The following CFL2 variants were observed in gnomAD, a reference collection of about 807,000 sequenced individuals.
CFL2 encodes the protein cofilin 2.
Under a neutral mutation model 19.6 loss-of-function variants are expected in CFL2, and 10 were observed. That is an observed-to-expected ratio of 0.51 (90% CI 0.31 to 0.86). The LOEUF (loss-of-function observed/expected upper bound fraction) is 0.86, where lower values mean the gene tolerates loss of function less well. Ranked by LOEUF, CFL2 falls within the 40% of genes least tolerant of loss-of-function variation. CFL2 has a pLI of 0.04. For missense variants in CFL2, 125 were observed against 192.1 expected, an observed-to-expected ratio of 0.65 and a Z score of 2.06; for synonymous variants, 63 against 66.7, an observed-to-expected ratio of 0.95 and a Z score of 0.27.
chr14:34,712,672 A>G lies in CFL2; in HGVS notation c.*193T>C. 1.5e-6 allele frequency: 1 copy of G among 684,198 alleles called. No homozygotes were observed. Among genetic ancestry groups the G allele is most frequent in the African/African-American group, 1.8e-5 (1 of 56,930 alleles). The allele number at this position is 684,198 out of a possible 1,614,324, so 42.4% of individuals were successfully genotyped here. A position where few individuals can be genotyped will look rare whatever the true frequency, so the allele number is the denominator to read the frequency against. ...CATTCCTTGGGTTCTATATAAAAGT[A>G]ACAGTATTCAACAGTCTAATGGCAA... On this transcript the variant is annotated 3_prime_UTR_variant, in exon 4 of 4. Transcript: ENST00000298159.
intron 1 of CFL2, chr14:34,713,907 T>A: frequency 8.2e-7 from 1 of 1,223,768 alleles, no homozygotes; most frequent in Non-Finnish European, 1.1e-6. Context: ...CGGCTGGCCT[T>A]AAAAAAACAC....
Position 34,712,750 on chromosome 14 carries a change from A to C in CFL2, c.*115T>G. 4.1e-6 allele frequency: 3 copies of C among 735,412 alleles called. No individual in the cohort carries two copies. The highest frequency in any genetic ancestry group is 2.6e-5 in the East Asian group (1 of 38,314). 45.6% of individuals were successfully genotyped at this position (735,412 alleles called of 1,614,324 possible). ...TATTTCCTTCATTCATTGTGTTGGAAGGGCCCAGTGGAAAGGGGGAAATAC... is the reference window on the plus strand; with the variant it reads ...TATTTCCTTCATTCATTGTGTTGGACGGGCCCAGTGGAAAGGGGGAAATAC... On this transcript the variant is annotated 3_prime_UTR_variant, in exon 4 of 4. Coordinates refer to ENST00000298159, the MANE Select transcript of CFL2 (RefSeq NM_138638.5).
At position 34,712,148 on chromosome 14, in the gene CFL2, T is replaced by C. The variant is rs1306704400; in HGVS notation, c.*717A>G. ...CTGATATTCAAAATATCTTTAGTGT[T>C]GCAGGACTCACATGGTAAACATAAA... is the stretch of plus-strand genomic sequence containing the variant. On this transcript the variant is annotated 3_prime_UTR_variant, in exon 4 of 4. Transcript: ENST00000298159. 2 of 454,546 alleles carry C rather than the reference T, an allele frequency of 4.4e-6. No homozygotes were observed. The highest frequency in any genetic ancestry group is 4.7e-5 in the Admixed American group (2 of 42,562). The allele number at this position is 454,546 out of a possible 1,614,324, so 28.2% of individuals were successfully genotyped here.
At position 34,712,379 on chromosome 14, in the gene CFL2, A is replaced by C. The variant is rs1167929389; in HGVS notation, c.*486T>G. The C allele has an allele frequency of 2.2e-6, 1 of 454,750 alleles. No homozygotes were observed. The highest frequency in any genetic ancestry group is 6.9e-5 in the East Asian group (1 of 14,404). 28.2% of individuals were successfully genotyped at this position (454,750 alleles called of 1,614,324 possible). ...AAGTGCTTTTAATGCATAGTGTTATATCCGTGCTGCCATATCACTAAAATA... is the reference window on the plus strand; with the variant it reads ...AAGTGCTTTTAATGCATAGTGTTATCTCCGTGCTGCCATATCACTAAAATA... On this transcript the variant is annotated 3_prime_UTR_variant, in exon 4 of 4. Coordinates refer to ENST00000298159, the MANE Select transcript of CFL2 (RefSeq NM_138638.5).
rs1397650259 is a variant in CFL2, at chr14:34,712,612, T to A, written c.*253A>T. On this transcript the variant is annotated 3_prime_UTR_variant, in exon 4 of 4. Coordinates refer to ENST00000298159, the MANE Select transcript of CFL2 (RefSeq NM_138638.5). ...TAGTGCTTGCTGCAAGGGAGGCATA[T>A]AACCAGTTGTTTTGGCTAAAATATG... 1 of 616,330 alleles carries A rather than the reference T, an allele frequency of 1.6e-6. No homozygotes were observed. The highest frequency in any genetic ancestry group is 3.5e-5 in the East Asian group (1 of 28,914). 38.2% of individuals were successfully genotyped at this position (616,330 alleles called of 1,614,324 possible).
At chr14:34,714,437 T>G in intron 1 of CFL2, 101 bp downstream of exon 1, 1 of 1,468,002 alleles carries the variant, frequency 6.8e-7, no homozygotes, top group South Asian at 1.3e-5. Context: ...GCGCCCACCT[T>G]GGAGGCCAAA....
At position 34,713,077 on chromosome 14, in the gene CFL2, A is replaced by G; in HGVS notation, c.371T>C (p.Ile124Thr). ...KMIYASSKDA[I>T]KKKFTGIKHE... Reference sequence around the variant, plus strand: ...GTTTGTACCTGTAAATTTCTTTTTAATGGCATCTTTAGAGCTAGCATAAAT... The same window carrying G: ...GTTTGTACCTGTAAATTTCTTTTTAGTGGCATCTTTAGAGCTAGCATAAAT... Residue 124 changes from isoleucine to threonine, a missense_variant, in exon 3 of 4, where the codon ATT becomes ACT. By Grantham distance (89) the Ile-to-Thr change is moderately conservative. Coordinates refer to ENST00000298159, the MANE Select transcript of CFL2 (RefSeq NM_138638.5). 6.3e-7 allele frequency: 1 copy of G among 1,586,512 alleles called. No individual in the cohort carries two copies. The highest frequency in any genetic ancestry group is 8.6e-7 in the Non-Finnish European group (1 of 1,165,694).
Position 34,710,675 on chromosome 14 carries a change from G to C in CFL2, c.*2190C>G, listed in dbSNP as rs967465165. 1 of 449,180 alleles carries C rather than the reference G, an allele frequency of 2.2e-6. No homozygotes were observed. The highest frequency in any genetic ancestry group is 4.4e-6 in the Non-Finnish European group (1 of 225,364). The allele number at this position is 449,180 out of a possible 1,614,324, so 27.8% of individuals were successfully genotyped here. The stretch of plus-strand genomic sequence containing the variant: ...CTCTTTTTTTGGCTCTACGCACAAA[G>C]ATGTATTTCAAAGATGAACTTAATT... On this transcript the variant is annotated 3_prime_UTR_variant, in exon 4 of 4. Coordinates refer to ENST00000298159, the MANE Select transcript of CFL2 (RefSeq NM_138638.5).
chr14:34,712,825 T>C lies in CFL2; in HGVS notation c.*40A>G, dbSNP rs74043541. On this transcript the variant is annotated 3_prime_UTR_variant, in exon 4 of 4. Coordinates refer to ENST00000298159, the MANE Select transcript of CFL2 (RefSeq NM_138638.5). ...ATTCCAATGGACTGAGCTGGAGAAA[T>C]GGAAGCTCCTTAAGATCCAGATGGC... 5.8e-4 allele frequency: 641 copies of C among 1,108,662 alleles called. 2 individuals carry two copies. The African/African-American group carries it at 8.9e-3, about 15-fold the overall frequency. 68.7% of individuals were successfully genotyped at this position (1,108,662 alleles called of 1,614,324 possible). A position where few individuals can be genotyped will look rare whatever the true frequency, so the allele number is the denominator to read the frequency against.
rs1381635557 is a variant in CFL2, at chr14:34,712,449, G to A, written c.*416C>T. On this transcript the variant is annotated 3_prime_UTR_variant, in exon 4 of 4. Transcript: ENST00000298159. Reference sequence around the variant, plus strand: ...GGTGTATGAATGCTCAAGCCTCACAGAACTGCAATCAAGTGCCAACTATAA... The same window carrying A: ...GGTGTATGAATGCTCAAGCCTCACAAAACTGCAATCAAGTGCCAACTATAA... 2.2e-6 allele frequency: 1 copy of A among 455,852 alleles called. No homozygotes were observed. The highest frequency in any genetic ancestry group is 4.4e-6 in the Non-Finnish European group (1 of 227,822). 28.2% of individuals were successfully genotyped at this position (455,852 alleles called of 1,614,324 possible).
In CFL2 at chr14:34,714,526, C is replaced by A; in HGVS notation, c.3+12G>T. 1 of 1,582,596 alleles carries A rather than the reference C, an allele frequency of 6.3e-7. No individual in the cohort carries two copies. Among genetic ancestry groups the A allele is most frequent in the East Asian group, 2.4e-5 (1 of 42,406 alleles). On this transcript the variant is annotated intron_variant, in intron 1 of 3. Coordinates refer to ENST00000298159, the MANE Select transcript of CFL2 (RefSeq NM_138638.5). ...CCTCGCCGCGGCCTCCCGGCCAGCG[C>A]GCTCGTCTTACCATAGTGCCCTCGG...
Position 34,712,199 on chromosome 14 carries a change from C to T in CFL2, c.*666G>A. ...ACTCCTACACTTATTCAGTAGTGTA[C>T]ACTCAATGGAAAACAAAAAGGCATT... On this transcript the variant is annotated 3_prime_UTR_variant, in exon 4 of 4. Transcript: ENST00000298159. 4.4e-6 allele frequency: 2 copies of T among 454,454 alleles called. No homozygotes were observed. Among genetic ancestry groups the T allele is most frequent in the Non-Finnish European group, 8.8e-6 (2 of 226,782 alleles). 28.2% of individuals were successfully genotyped at this position (454,454 alleles called of 1,614,324 possible).
rs1375758591 is a variant in CFL2, at chr14:34,712,248, A to T, written c.*617T>A. 1 of 454,576 alleles carries T rather than the reference A, an allele frequency of 2.2e-6. No individual in the cohort carries two copies. The highest frequency in any genetic ancestry group is 1.6e-5 in the South Asian group (1 of 64,478). The allele number at this position is 454,576 out of a possible 1,614,324, so 28.2% of individuals were successfully genotyped here. On this transcript the variant is annotated 3_prime_UTR_variant, in exon 4 of 4. Transcript: ENST00000298159. ...TTAATAACAGCTATTTCTTTTAAGA[A>T]GATATGCAGGTAACAGGAATGAACA...
At chr14:34,714,468 T>C in intron 1 of CFL2, 70 bp downstream of exon 1, 1 of 1,511,260 alleles carries the variant, frequency 6.6e-7, no homozygotes, top group African/African-American at 1.4e-5. Flanking sequence ...AATGGCGGCC[T>C]CACTCCCGGG....
Position 34,709,226 on chromosome 14 carries a change from T to G in CFL2, c.*3639A>C, listed in dbSNP as rs1258713028. The G allele has an allele frequency of 6.6e-6, 1 of 152,104 alleles. No homozygotes were observed. Among genetic ancestry groups the G allele is most frequent in the Non-Finnish European group, 1.5e-5 (1 of 68,020 alleles). The allele number at this position is 152,104 out of a possible 1,614,324, so 9.4% of individuals were successfully genotyped here. The stretch of plus-strand genomic sequence containing the variant: ...AGCATTTTCCTGTTTTCAAAAACCA[T>G]TTCCATATTTAGTACTCAGGAAACA... On this transcript the variant is annotated 3_prime_UTR_variant, in exon 4 of 4. Coordinates refer to ENST00000298159, the MANE Select transcript of CFL2 (RefSeq NM_138638.5).
chr14:34,709,822 GA>G lies in CFL2; in HGVS notation c.*3042del, dbSNP rs1296609344. 6.8e-6 allele frequency: 1 copy of G among 147,178 alleles called. No homozygotes were observed. Among genetic ancestry groups the G allele is most frequent in the Middle Eastern group, 3.4e-3 (1 of 298 alleles). The allele number at this position is 147,178 out of a possible 1,614,324, so 9.1% of individuals were successfully genotyped here. A position where few individuals can be genotyped will look rare whatever the true frequency, so the allele number is the denominator to read the frequency against. On this transcript the variant is annotated 3_prime_UTR_variant, in exon 4 of 4. Coordinates refer to ENST00000298159, the MANE Select transcript of CFL2 (RefSeq NM_138638.5). ...AAAAAAAAAAGGCAACATTTACTGG[GA>G]CCTGCCTGCCCACCTCTAGTAGCTT...
In CFL2 at chr14:34,711,108, C is replaced by G. The variant is rs938604547; in HGVS notation, c.*1757G>C. ...ACATTTAATCCCTATTTTTAATGTT[C>G]ACATCTGAAAAATCTTTCAAAAATA... On this transcript the variant is annotated 3_prime_UTR_variant, in exon 4 of 4. Transcript: ENST00000298159. 2 of 453,040 alleles carry G rather than the reference C, an allele frequency of 4.4e-6. No individual in the cohort carries two copies. The highest frequency in any genetic ancestry group is 4.0e-5 in the African/African-American group (2 of 49,864). 28.1% of individuals were successfully genotyped at this position (453,040 alleles called of 1,614,324 possible). A position where few individuals can be genotyped will look rare whatever the true frequency, so the allele number is the denominator to read the frequency against.
In CFL2 at chr14:34,712,507, T is replaced by C. The variant is rs1207986003; in HGVS notation, c.*358A>G. 1 of 465,676 alleles carries C rather than the reference T, an allele frequency of 2.1e-6. No individual in the cohort carries two copies. The highest frequency in any genetic ancestry group is 4.3e-6 in the Non-Finnish European group (1 of 234,804). 28.8% of individuals were successfully genotyped at this position (465,676 alleles called of 1,614,324 possible). On this transcript the variant is annotated 3_prime_UTR_variant, in exon 4 of 4. Coordinates refer to ENST00000298159, the MANE Select transcript of CFL2 (RefSeq NM_138638.5). ...TGAAAAAAGTTGACCATCTGACCAGTGGATAATACTTTCAAGGCATTCAAT... is the reference window on the plus strand; with the variant it reads ...TGAAAAAAGTTGACCATCTGACCAGCGGATAATACTTTCAAGGCATTCAAT...
In CFL2 at chr14:34,709,647, G is replaced by T. The variant is rs1885219613; in HGVS notation, c.*3218C>A. On this transcript the variant is annotated 3_prime_UTR_variant, in exon 4 of 4. Coordinates refer to ENST00000298159, the MANE Select transcript of CFL2 (RefSeq NM_138638.5). ...CAAAAAAAAAAAAAAAAAAAATTAGGCATGGTGGTGCATGCCTGTAGTCCC... is the reference window on the plus strand; with the variant it reads ...CAAAAAAAAAAAAAAAAAAAATTAGTCATGGTGGTGCATGCCTGTAGTCCC... 6.7e-6 allele frequency: 1 copy of T among 149,038 alleles called. No individual in the cohort carries two copies. Among genetic ancestry groups the T allele is most frequent in the Non-Finnish European group, 1.5e-5 (1 of 67,400 alleles). 9.2% of individuals were successfully genotyped at this position (149,038 alleles called of 1,614,324 possible).
Sources: gnomAD v4.1 joint callset for allele counts on GRCh38, gnomAD v4.1.1 for gene constraint, MANE v1.5 for transcripts, NCBI Gene and HGNC (gene_info 2026-07-23, HGNC 2026-07-21) for gene names.